Variants in CTNNA3 observed in about 807,000 individuals in gnomAD.
CTNNA3 encodes catenin alpha 3.
CTNNA3 carries 76 observed loss-of-function variants against 95.7 expected under a neutral mutation model. The observed-to-expected ratio is 0.79, with a 90% CI of 0.66 to 0.96. The LOEUF (loss-of-function observed/expected upper bound fraction) is 0.96. Ranked by LOEUF, CTNNA3 falls within the 40% of genes least tolerant of loss-of-function variation. The probability of loss-of-function intolerance (pLI) is 0.00; values close to 1 mark genes in which losing one functional copy is unlikely to be tolerated. For missense variants in CTNNA3, 1,191 were observed against 1,089.8 expected, an observed-to-expected ratio of 1.09 and a Z score of -1.31; for synonymous variants, 431 against 374.4, an observed-to-expected ratio of 1.15 and a Z score of -1.74.
At chr10:66,275,260 G>A (rs191567226) in intron 13 of CTNNA3, among the ~76,000 whole-genome samples, 185 of 152,252 alleles carry the variant, frequency 1.2e-3, no homozygotes, top group African/African-American at 4.1e-3. Flanking sequence ...TGGGACTACA[G>A]GCACGCACCA....
chr10:67,745,213 T>C (rs1841367405), intron 1 of CTNNA3, among the ~76,000 whole-genome samples: 1 of 152,140 alleles, frequency 6.6e-6, no homozygotes. Flanking sequence ...TGCACACATA[T>C]GTTTATAGCA....
intron 11 of CTNNA3, among the ~76,000 whole-genome samples, chr10:66,438,670 C>T (rs2093354755): frequency 6.6e-6 from 1 of 152,120 alleles, no homozygotes; most frequent in African/African-American, 2.4e-5. Flanking sequence ...CACTTGACTC[C>T]CTGGCTTCAG....
chr10:66,176,446 T>G (rs370426514), intron 13 of CTNNA3, among the ~76,000 whole-genome samples: 1 of 152,120 alleles, frequency 6.6e-6, no homozygotes, highest in Non-Finnish European at 1.5e-5. Context: ...AAAGGAACTA[T>G]TAAACTTAGA....
At chr10:66,020,666 G>T (rs779841955) in intron 15 of CTNNA3, among the ~76,000 whole-genome samples, 1 of 114,082 alleles carries the variant, frequency 8.8e-6, no homozygotes. Context: ...CTGATGATCT[G>T]AATTTTTTTT....
At chr10:67,292,095 C>A (rs1290717425) in intron 5 of CTNNA3, among the ~76,000 whole-genome samples, 1 of 152,172 alleles carries the variant, frequency 6.6e-6, no homozygotes, top group Admixed American at 6.5e-5. Context: ...TTTCTTCCTT[C>A]CGGGTATGGG....
intron 12 of CTNNA3, among the ~76,000 whole-genome samples, chr10:66,351,294 C>T (rs2092564866): frequency 6.6e-6 from 1 of 152,122 alleles, no homozygotes; most frequent in Admixed American, 6.5e-5. Flanking sequence ...AAGGTTATTA[C>T]AACAACCCAT....
chr10:66,088,802 G>A (rs543389681), intron 14 of CTNNA3, among the ~76,000 whole-genome samples: 1 of 151,938 alleles, frequency 6.6e-6, no homozygotes, highest in South Asian at 2.1e-4. Flanking sequence ...TTGCATTTTT[G>A]TAATCTCTGA....
At chr10:66,169,865 G>A (rs2085326026) in intron 13 of CTNNA3, among the ~76,000 whole-genome samples, 2 of 151,974 alleles carry the variant, frequency 1.3e-5, no homozygotes, top group Admixed American at 6.6e-5. Context: ...TTTTTGATGG[G>A]ATTGTTTGGT....
At chr10:66,364,870 T>A (rs1401968822) in intron 12 of CTNNA3, among the ~76,000 whole-genome samples, 1 of 152,178 alleles carries the variant, frequency 6.6e-6, no homozygotes, top group Non-Finnish European at 1.5e-5. Flanking sequence ...CAGTCCTCTA[T>A]GTATGTCTCT....
intron 14 of CTNNA3, among the ~76,000 whole-genome samples, chr10:66,097,247 C>T (rs2081430055): frequency 1.3e-5 from 2 of 152,026 alleles, no homozygotes; most frequent in Admixed American, 6.6e-5. Flanking sequence ...AAACAGGAAA[C>T]CAAGTAGTCC....
chr10:66,379,042 A>G (rs2092815908), intron 12 of CTNNA3, 110 bp downstream of exon 12: 1 of 878,118 alleles, frequency 1.1e-6, no homozygotes, highest in East Asian at 2.5e-5. Flanking sequence ...ATAGCAATGT[A>G]TGTCAAAAGA....
intron 7 of CTNNA3, among the ~76,000 whole-genome samples, chr10:67,164,566 CAT>C (rs1351157936): frequency 6.6e-6 from 1 of 151,904 alleles, no homozygotes; most frequent in African/African-American, 2.4e-5. Flanking sequence ...AAGCATGACA[CAT>C]AAAAGAAAAA....
At chr10:66,141,507 T>C (rs1346271742) in intron 13 of CTNNA3, among the ~76,000 whole-genome samples, 1 of 152,062 alleles carries the variant, frequency 6.6e-6, no homozygotes, top group African/African-American at 2.4e-5. Context: ...AATCAACATA[T>C]AATTTGCCAA....
chr10:66,776,910 A>C (rs527480309), intron 7 of CTNNA3, among the ~76,000 whole-genome samples: 180 of 152,296 alleles, frequency 1.2e-3, no homozygotes, highest in Non-Finnish European at 2.0e-3. Context: ...AGTAACTTAC[A>C]TAGGACTTAT....
chr10:66,423,834 T>G (rs2093217039), intron 11 of CTNNA3, among the ~76,000 whole-genome samples: 1 of 152,202 alleles, frequency 6.6e-6, no homozygotes, highest in African/African-American at 2.4e-5. Flanking sequence ...TGTCTTTGGC[T>G]GTTGAGCTGC....
chr10:67,572,433 T>A (rs1842009942), intron 3 of CTNNA3, among the ~76,000 whole-genome samples: 1 of 152,156 alleles, frequency 6.6e-6, no homozygotes, highest in Non-Finnish European at 1.5e-5. Flanking sequence ...TGATCCTTTA[T>A]CCCCTCGAAG....
chr10:67,036,973 TGAC>T (rs1447045409), intron 7 of CTNNA3, among the ~76,000 whole-genome samples: 1 of 152,022 alleles, frequency 6.6e-6, no homozygotes, highest in African/African-American at 2.4e-5. Context: ...CCAAAGGGAG[TGAC>T]TCATTCATCT....
chr10:66,167,816 G>T (rs981548031), intron 13 of CTNNA3, among the ~76,000 whole-genome samples: 18 of 152,114 alleles, frequency 1.2e-4, no homozygotes, highest in African/African-American at 4.1e-4. Context: ...GCAGTTTGAG[G>T]AAAATGAAGT....
At chr10:66,912,655 T>C (rs541217640) in intron 7 of CTNNA3, among the ~76,000 whole-genome samples, 1 of 152,292 alleles carries the variant, frequency 6.6e-6, no homozygotes, top group South Asian at 2.1e-4. Flanking sequence ...TAGTAAGATA[T>C]AACCCCCAAG....
Sources: allele counts gnomAD v4.1 joint callset (sites outside exome capture counted in the v4.1 genomes callset), GRCh38; gene constraint gnomAD v4.1.1; transcripts MANE v1.5; gene names NCBI Gene and HGNC (gene_info 2026-07-23, HGNC 2026-07-21).